The following MYLK4 variants were observed in gnomAD, a reference collection of about 807,000 sequenced individuals.
MYLK4 encodes the protein myosin light chain kinase family member 4, also known as caMLCK like.
MYLK4 carries 46 observed loss-of-function variants against 48.1 expected under a neutral mutation model. The ratio of observed to expected loss-of-function variants is 0.96; its 90% CI spans 0.75 to 1.22. MYLK4 has a LOEUF of 1.22. Ranked by LOEUF, MYLK4 falls within the 50% of genes most tolerant of loss-of-function variation. The pLI is 0.00. For missense variants in MYLK4, 451 were observed against 486.1 expected, an observed-to-expected ratio of 0.93 and a Z score of 0.68; for synonymous variants, 170 against 180.8, an observed-to-expected ratio of 0.94 and a Z score of 0.48.
chr6:2,765,350 C>T, the MYLK4 span: 408 of 286,424 alleles, frequency 1.4e-3, 3 homozygotes, highest in Non-Finnish European at 3.4e-4. Context: ...TACTTACATG[C>T]CGCGCGAGGC....
chr6:2,760,690 A>G, the MYLK4 span, among the ~76,000 whole-genome samples: 8 of 152,224 alleles, frequency 5.3e-5, no homozygotes, highest in Non-Finnish European at 7.3e-5. Flanking sequence ...CCTAAAACTA[A>G]TAAGAGTTCA....
At chr6:2,747,822 A>G (rs989533621) in intron 2 of MYLK4, among the ~76,000 whole-genome samples, 1 of 152,236 alleles carries the variant, frequency 6.6e-6, no homozygotes, top group African/African-American at 2.4e-5. Context: ...GAAATTAATA[A>G]ACAGAAAAAA....
At chr6:2,764,150 C>T in the MYLK4 span, among the ~76,000 whole-genome samples, 2 of 152,106 alleles carry the variant, frequency 1.3e-5, no homozygotes, top group Non-Finnish European at 2.9e-5. Flanking sequence ...TGAAAGCTCA[C>T]GATCCTCTTT....
intron 2 of MYLK4, among the ~76,000 whole-genome samples, chr6:2,740,696 G>T (rs1302901199): frequency 1.3e-5 from 2 of 152,200 alleles, no homozygotes; most frequent in Non-Finnish European, 2.9e-5. Context: ...ACTCAGGAAT[G>T]ACATCGTAGA....
At chr6:2,679,941 G>C (rs979748269) in intron 8 of MYLK4, among the ~76,000 whole-genome samples, 56 of 152,294 alleles carry the variant, frequency 3.7e-4, no homozygotes, top group Middle Eastern at 6.8e-3. Context: ...AAATATGAAA[G>C]AGGGGACAAA....
intron 3 of MYLK4, among the ~76,000 whole-genome samples, chr6:2,689,828 T>C (rs1761705425): frequency 6.6e-6 from 1 of 152,272 alleles, no homozygotes; most frequent in African/African-American, 2.4e-5. Flanking sequence ...CATATGTTTC[T>C]TGAGCATTTA....
the MYLK4 span, among the ~76,000 whole-genome samples, chr6:2,765,189 C>CA: frequency 9.6e-6 from 1 of 104,166 alleles, no homozygotes; most frequent in African/African-American, 3.2e-5. Context: ...GCAACCCCCC[C>CA]CCCCGCCCCT....
intron 10 of MYLK4, among the ~76,000 whole-genome samples, chr6:2,675,719 T>G (rs1332621680): frequency 1.3e-5 from 2 of 152,290 alleles, no homozygotes; most frequent in African/African-American, 4.8e-5. Context: ...TAATATAGAT[T>G]TACCATATTT....
At chr6:2,733,970 A>ACCTTTGAC (rs1222933573) in intron 2 of MYLK4, among the ~76,000 whole-genome samples, 91 of 152,128 alleles carry the variant, frequency 6.0e-4, no homozygotes, top group African/African-American at 2.1e-3. Flanking sequence ...GCATCCCAAA[A>ACCTTTGAC]CTTGCTCAAA....
At chr6:2,684,506 A>G (rs550563624) in intron 6 of MYLK4, among the ~76,000 whole-genome samples, 1 of 152,266 alleles carries the variant, frequency 6.6e-6, no homozygotes, top group African/African-American at 2.4e-5. Flanking sequence ...ACGGAATCAC[A>G]ATATCGATTC....
rs1467153725 is a variant in MYLK4, at chr6:2,679,609, T to C, written c.759-201A>G. The C allele has an allele frequency of 5.8e-6, 4 of 686,446 alleles. No homozygotes were observed. In the African/African-American group the frequency reaches 7.3e-5, roughly 12 times the overall value. 42.5% of individuals were successfully genotyped at this position (686,446 alleles called of 1,614,324 possible). On this transcript the variant is annotated intron_variant, in intron 8 of 12. Coordinates refer to ENST00000274643, the MANE Select transcript of MYLK4 (RefSeq NM_001012418.5). Reference sequence around the variant, plus strand: ...CAGAAAATTTAAAAGTCAAAATTCATACTAGGAAACCTTAAAAGCTGAACC... The same window carrying C: ...CAGAAAATTTAAAAGTCAAAATTCACACTAGGAAACCTTAAAAGCTGAACC...
At chr6:2,737,430 G>C in intron 2 of MYLK4, among the ~76,000 whole-genome samples, 1 of 152,176 alleles carries the variant, frequency 6.6e-6, no homozygotes, top group East Asian at 1.9e-4. Flanking sequence ...TCTTATTCTT[G>C]CTGGACTGGA....
chr6:2,688,535 G>A (rs534881705), intron 4 of MYLK4, among the ~76,000 whole-genome samples: 4 of 152,296 alleles, frequency 2.6e-5, no homozygotes, highest in African/African-American at 9.6e-5. Flanking sequence ...ACACGCTGTT[G>A]ACTCATTTCT....
At chr6:2,703,133 G>A (rs1172636019) in intron 2 of MYLK4, among the ~76,000 whole-genome samples, 1 of 152,044 alleles carries the variant, frequency 6.6e-6, no homozygotes, top group Non-Finnish European at 1.5e-5. Context: ...GTAACTATAG[G>A]GTCAATATCT....
At chr6:2,765,662 C>T in the MYLK4 span, 1 of 1,550,364 alleles carries the variant, frequency 6.5e-7, no homozygotes, top group Non-Finnish European at 8.6e-7. Flanking sequence ...CTTCCTTTCG[C>T]AGCTGCACCA....
chr6:2,737,978 G>GGGC (rs1302993397), intron 2 of MYLK4, among the ~76,000 whole-genome samples: 20 of 71,172 alleles, frequency 2.8e-4, no homozygotes, highest in Non-Finnish European at 4.9e-4. Flanking sequence ...TGCCGGGGGC[G>GGGC]GGTGGGGGGG....
chr6:2,737,315 A>G (rs1213217202), intron 2 of MYLK4, among the ~76,000 whole-genome samples: 1 of 152,262 alleles, frequency 6.6e-6, no homozygotes, highest in Non-Finnish European at 1.5e-5. Flanking sequence ...CCATCTCAGA[A>G]AATAACAAAA....
At chr6:2,769,955 TCCCCCAAATATTG>T in the MYLK4 span, among the ~76,000 whole-genome samples, 1 of 152,244 alleles carries the variant, frequency 6.6e-6, no homozygotes, top group South Asian at 2.1e-4. Flanking sequence ...AGAGTTGTAC[TCCCCCAAATATTG>T]CATCTATATT....
intron 2 of MYLK4, among the ~76,000 whole-genome samples, chr6:2,725,195 T>C (rs1195999306): frequency 6.6e-6 from 1 of 152,008 alleles, no homozygotes; most frequent in Non-Finnish European, 1.5e-5. Context: ...TGGTGGCTCA[T>C]GCCTATAATC....
Sources: allele counts gnomAD v4.1 joint callset (sites outside exome capture counted in the v4.1 genomes callset), GRCh38; gene constraint gnomAD v4.1.1; transcripts MANE v1.5; gene names NCBI Gene and HGNC (gene_info 2026-07-23, HGNC 2026-07-21).